Variants in STAB2 observed in about 807,000 individuals in gnomAD.
STAB2 encodes stabilin 2, also known as stabilin-2.
STAB2 carries 288 observed loss-of-function variants against 338.1 expected under a neutral mutation model. That is an observed-to-expected ratio of 0.85 (90% confidence interval 0.77 to 0.94). STAB2 has a LOEUF of 0.94. Among genes scored for constraint, STAB2 ranks in the 40% least tolerant of loss-of-function variants. STAB2 has a pLI of 0.00. For synonymous variants in STAB2, 1,202 were observed against 1,193.3 expected (o/e 1.01, Z -0.15); for missense variants, 3,141 against 3,210.1 (o/e 0.98, Z 0.52).
At chr12:103,597,619 C>A (rs1375094758) in intron 3 of STAB2, among the ~76,000 whole-genome samples, 1 of 152,128 alleles carries the variant, frequency 6.6e-6, no homozygotes, top group Non-Finnish European at 1.5e-5. Context: ...CTGAATGTAA[C>A]CTGCTTCTCC....
At chr12:103,609,825 T>C (rs564451675) in intron 3 of STAB2, among the ~76,000 whole-genome samples, 1 of 152,298 alleles carries the variant, frequency 6.6e-6, no homozygotes, top group Admixed American at 6.5e-5. Flanking sequence ...GCTGTGGGTT[T>C]GTCATAAATA....
intron 10 of STAB2, among the ~76,000 whole-genome samples, chr12:103,650,019 C>T (rs1873620142): frequency 6.6e-6 from 1 of 152,152 alleles, no homozygotes; most frequent in South Asian, 2.1e-4. Context: ...GCTGGGCCCA[C>T]TGGAAAGTGA....
intron 15 of STAB2, among the ~76,000 whole-genome samples, chr12:103,658,333 AG>A (rs1874345300): frequency 6.6e-6 from 1 of 152,180 alleles, no homozygotes; most frequent in Non-Finnish European, 1.5e-5. Flanking sequence ...CAACAACGAC[AG>A]CTCCTGGAAA....
At chr12:103,630,958 A>G (rs1320039326) in intron 5 of STAB2, among the ~76,000 whole-genome samples, 11 of 152,258 alleles carry the variant, frequency 7.2e-5, no homozygotes, top group Non-Finnish European at 7.3e-5. Flanking sequence ...TGCTGCAGAC[A>G]GGGCTGGCCA....
Position 103,650,571 on chromosome 12 carries a change from G to A in STAB2, c.1250G>A (p.Gly417Glu). 6.2e-7 allele frequency: 1 copy of A among 1,612,678 alleles called. No homozygotes were observed. Among genetic ancestry groups the A allele is most frequent in the African/African-American group, 1.3e-5 (1 of 75,006 alleles). ...TTACCTACAGACAAGGGACTGAAAGGATTCAATGTGAGTATTTAAAATGAC... is the reference window on the plus strand; with the variant it reads ...TTACCTACAGACAAGGGACTGAAAGAATTCAATGTGAGTATTTAAAATGAC... ...VLLPTDKGLK[G>E]FNVNELLVDN... Residue 417 changes from glycine to glutamate, a missense_variant, in exon 11 of 69, where the codon GGA becomes GAA. Transcript: ENST00000388887.
chr12:103,642,126 G>A (rs1872971026), intron 9 of STAB2, among the ~76,000 whole-genome samples: 1 of 152,204 alleles, frequency 6.6e-6, no homozygotes, highest in South Asian at 2.1e-4. Context: ...CTGTCAAGTA[G>A]GTCTAGAGAC....
rs1201308360 is a variant in STAB2 at position 103,691,847 on chromosome 12, C to G, written c.3298-965C>G. 7.2e-5 allele frequency among the ~76,000 whole-genome samples: 9 copies of G among 124,430 alleles called. No homozygotes were observed. The East Asian group carries it at 2.3e-3, about 32-fold the overall frequency. The allele number at this position is 124,430 out of a possible 152,430, so 81.6% of individuals were successfully genotyped here. A position where few individuals can be genotyped will look rare whatever the true frequency, so the allele number is the denominator to read the frequency against. On this transcript the variant is annotated intron_variant, in intron 30 of 68. Transcript: ENST00000388887. ...CCAGGGTTTCCAGAAGGGATTTCAA[C>G]TGGGGAGAAGAGGAGAGGAAACCAG...
intron 22 of STAB2, among the ~76,000 whole-genome samples, chr12:103,673,089 G>C: frequency 6.6e-6 from 1 of 152,202 alleles, no homozygotes; most frequent in East Asian, 1.9e-4. Flanking sequence ...CCCAAATATC[G>C]CCTATTGGTT....
chr12:103,629,083 A>C (rs1957422019), intron 5 of STAB2, among the ~76,000 whole-genome samples: 1 of 152,182 alleles, frequency 6.6e-6, no homozygotes, highest in African/African-American at 2.4e-5. Flanking sequence ...CATTCCAAGC[A>C]GTTCCAATCT....
At chr12:103,665,807 C>T (rs1875036967) in intron 18 of STAB2, among the ~76,000 whole-genome samples, 1 of 152,160 alleles carries the variant, frequency 6.6e-6, no homozygotes, top group Non-Finnish European at 1.5e-5. Context: ...AATTCCATCA[C>T]CCTGAACCAG....
At chr12:103,655,105 T>C (rs1036143346) in intron 13 of STAB2, 146 bp from the exon 14 acceptor site, 5 of 773,646 alleles carry the variant, frequency 6.5e-6, no homozygotes, top group African/African-American at 5.2e-5. Context: ...CGAACATTTA[T>C]ATAATGCATT....
rs559211920 is a variant in STAB2 at position 103,712,345 on chromosome 12, C to T, written c.4335-22C>T. The T allele has an allele frequency of 1.9e-5, 31 of 1,597,614 alleles. No homozygotes were observed. The East Asian group carries it at 4.0e-4, about 21-fold the overall frequency. ...AGGTGGAGTATTTTTCTACAAACCC[C>T]ATTTGTCCTTCCTTGTTGCAGCTGC... On this transcript the variant is annotated intron_variant, in intron 40 of 68. Transcript: ENST00000388887.
chr12:103,591,645 G>A (rs1322655780), intron 2 of STAB2, among the ~76,000 whole-genome samples: 1 of 152,146 alleles, frequency 6.6e-6, no homozygotes, highest in Non-Finnish European at 1.5e-5. Context: ...TAAAAGCCTT[G>A]AGTGTGATAG....
At chr12:103,730,299 A>G (rs748932640) in intron 49 of STAB2, 43 bp downstream of exon 49, 9 of 1,593,954 alleles carry the variant, frequency 5.6e-6, no homozygotes, top group Non-Finnish European at 7.7e-6. Context: ...GAGTGACTCA[A>G]TACATTATCA....
chr12:103,606,166 C>T (rs1444040396), intron 3 of STAB2, among the ~76,000 whole-genome samples: 2 of 151,926 alleles, frequency 1.3e-5, no homozygotes, highest in Non-Finnish European at 2.9e-5. Flanking sequence ...TAAATGTTTG[C>T]TTTAAGGTTT....
rs1198041604 is a variant in STAB2, at chr12:103,766,573, G to A, written c.*237G>A. 3 of 505,024 alleles carry A rather than the reference G, an allele frequency of 5.9e-6. No individual in the cohort carries two copies. The highest frequency in any genetic ancestry group is 1.1e-5 in the Non-Finnish European group (3 of 279,536). The allele number at this position is 505,024 out of a possible 1,614,324, so 31.3% of individuals were successfully genotyped here. On this transcript the variant is annotated 3_prime_UTR_variant, in exon 69 of 69. Coordinates refer to ENST00000388887, the MANE Select transcript of STAB2 (RefSeq NM_017564.10). ...CTTCTTCCTTTGTACTCTTCAGCTG[G>A]CACCTGCTCCATTCTGCCCTACATG... is the stretch of plus-strand genomic sequence containing the variant.
Position 103,587,575 on chromosome 12 carries a change from T to C in STAB2, c.81+18T>C. On this transcript the variant is annotated intron_variant, in intron 1 of 68. Transcript: ENST00000388887. ...CAGGGCAGGTAAGAGGAGACTTACA[T>C]ATTTTTTTCATTTGTTAATTGTCAT... 6.2e-7 allele frequency: 1 copy of C among 1,604,610 alleles called. No homozygotes were observed.
chr12:103,687,640 A>G (rs1422613058), intron 27 of STAB2, among the ~76,000 whole-genome samples: 5 of 152,190 alleles, frequency 3.3e-5, no homozygotes, highest in Admixed American at 2.0e-4. Flanking sequence ...TATTTCTCTT[A>G]TCAAACTGTG....
At chr12:103,703,533 T>C (rs1879085791) in intron 35 of STAB2, among the ~76,000 whole-genome samples, 1 of 151,810 alleles carries the variant, frequency 6.6e-6, no homozygotes, top group African/African-American at 2.4e-5. Flanking sequence ...GGCTGCCAGG[T>C]GTGTGGGGAT....
Sources: gnomAD v4.1 joint callset for allele counts (sites outside exome capture counted in the v4.1 genomes callset) on GRCh38, gnomAD v4.1.1 for gene constraint, MANE v1.5 for transcripts, NCBI Gene and HGNC (gene_info 2026-07-23, HGNC 2026-07-21) for gene names.